Variants in PAPPA2 observed in about 807,000 individuals in gnomAD.
The protein encoded by PAPPA2 is pappalysin 2.
PAPPA2 carries 86 observed loss-of-function variants against 176.4 expected under a neutral mutation model. That is an observed-to-expected ratio of 0.49 (90% CI 0.41 to 0.58). The LOEUF (loss-of-function observed/expected upper bound fraction) is 0.58. Ranked by LOEUF, PAPPA2 falls within the 20% of genes least tolerant of loss-of-function variation. PAPPA2 has a pLI of 0.00. For missense variants in PAPPA2, 2,073 were observed against 2,256.9 expected (o/e 0.92, Z 1.65); for synonymous variants, 809 against 852.2 (o/e 0.95, Z 0.88).
intron 1 of PAPPA2, among the ~76,000 whole-genome samples, chr1:176,499,196 G>A (rs1310602292): frequency 1.3e-5 from 2 of 152,054 alleles, no homozygotes; most frequent in Admixed American, 6.5e-5. Context: ...AATTAGTTCA[G>A]GAACATGTAT....
chr1:176,787,171 ATTTAT>A (rs1398750720), intron 17 of PAPPA2, among the ~76,000 whole-genome samples: 1 of 152,202 alleles, frequency 6.6e-6, no homozygotes, highest in Non-Finnish European at 1.5e-5. Flanking sequence ...CAAAAATGGC[ATTTAT>A]TTTAATAGCT....
chr1:176,657,990 A>G (rs1013667140), intron 3 of PAPPA2, among the ~76,000 whole-genome samples: 5 of 152,012 alleles, frequency 3.3e-5, no homozygotes, highest in African/African-American at 1.2e-4. Flanking sequence ...CTATTGAATA[A>G]GCACTTGATA....
chr1:176,793,530 A>G (rs1282081199), intron 19 of PAPPA2, 30 bp from the exon 20 acceptor site: 2 of 1,546,888 alleles, frequency 1.3e-6, no homozygotes, highest in South Asian at 2.3e-5. Context: ...GGGAAGTTCA[A>G]GTCTCTGCTG....
At chr1:176,528,491 T>A (rs1649614509) in intron 1 of PAPPA2, among the ~76,000 whole-genome samples, 2 of 152,212 alleles carry the variant, frequency 1.3e-5, no homozygotes, top group South Asian at 4.1e-4. Flanking sequence ...GAACTACCAT[T>A]TGAATACAGG....
At chr1:176,653,704 C>G in intron 3 of PAPPA2, among the ~76,000 whole-genome samples, 1 of 151,634 alleles carries the variant, frequency 6.6e-6, no homozygotes, top group East Asian at 1.9e-4. Flanking sequence ...GGTTTATGCC[C>G]AATACCTTTT....
At position 176,516,598 on chromosome 1, in the gene PAPPA2, G is replaced by T. The variant is rs114846322; in HGVS notation, c.-916-38809G>T. Among the ~76,000 whole-genome samples, 3 of 152,094 alleles carry T rather than the reference G, an allele frequency of 2.0e-5. No homozygotes were observed. The South Asian group carries it at 6.2e-4, about 31-fold the overall frequency. ...CCCTTATAAAAGAGCTTGAGGGAAC[G>T]AATTCTGTTCTTCCATCCCTTCTGC... On this transcript the variant is annotated intron_variant, in intron 1 of 22. Coordinates refer to ENST00000367662, the MANE Select transcript of PAPPA2 (RefSeq NM_020318.3).
At chr1:176,559,198 G>A (rs1214344620) in intron 2 of PAPPA2, among the ~76,000 whole-genome samples, 1 of 152,150 alleles carries the variant, frequency 6.6e-6, no homozygotes, top group African/African-American at 2.4e-5. Flanking sequence ...CCGTAAGCAT[G>A]TAAAATTGGG....
chr1:176,492,421 C>T (rs1008505140), intron 1 of PAPPA2, among the ~76,000 whole-genome samples: 4 of 152,132 alleles, frequency 2.6e-5, no homozygotes, highest in Admixed American at 1.3e-4. Flanking sequence ...AAATAATTTG[C>T]CTCAAGTCAT....
intron 17 of PAPPA2, among the ~76,000 whole-genome samples, chr1:176,778,753 C>G (rs1048423569): frequency 7.9e-5 from 12 of 152,158 alleles, no homozygotes; most frequent in African/African-American, 2.9e-4. Flanking sequence ...TCTATGTACA[C>G]TCATGTATCT....
rs546487641 is a variant in PAPPA2 at position 176,834,183 on chromosome 1, G to A, written c.5203-5990G>A. 8.5e-5 allele frequency among the ~76,000 whole-genome samples: 13 copies of A among 152,316 alleles called. 1 individual carries two copies. Among genetic ancestry groups the A allele is most frequent in the Middle Eastern group, 6.8e-3 (2 of 294 alleles). On this transcript the variant is annotated intron_variant, in intron 21 of 22. Transcript: ENST00000367662. ...CCCAAGCCTTTGAAAATACATTCCA[G>A]AGGTTAAGCTCTATAATAAATATGT...
chr1:176,777,426 C>G (rs1664510118), intron 17 of PAPPA2, among the ~76,000 whole-genome samples: 1 of 151,976 alleles, frequency 6.6e-6, no homozygotes. Flanking sequence ...TCTAGTTCTC[C>G]CTTGAAGACA....
At chr1:176,571,299 C>T (rs1160918266) in intron 2 of PAPPA2, among the ~76,000 whole-genome samples, 1 of 152,210 alleles carries the variant, frequency 6.6e-6, no homozygotes, top group Non-Finnish European at 1.5e-5. Flanking sequence ...TTCTTTCCCT[C>T]ACTGTATTAG....
At chr1:176,815,034 G>T (rs1222220884) in intron 21 of PAPPA2, among the ~76,000 whole-genome samples, 2 of 152,090 alleles carry the variant, frequency 1.3e-5, no homozygotes, top group Non-Finnish European at 2.9e-5. Flanking sequence ...TACATCTGTT[G>T]AGATAATCAT....
intron 12 of PAPPA2, among the ~76,000 whole-genome samples, chr1:176,738,298 T>C (rs1662512763): frequency 6.6e-6 from 1 of 152,110 alleles, no homozygotes; most frequent in Non-Finnish European, 1.5e-5. Flanking sequence ...AGAGTGTGAC[T>C]GGTCTTTCCC....
In PAPPA2 at chr1:176,701,077, CAT is replaced by C. The variant is rs71299411; in HGVS notation, c.3236+1489_3236+1490del. Among the ~76,000 whole-genome samples the C allele has an allele frequency of 5.2e-3, 780 of 150,404 alleles. 12 individuals are homozygous for C. Among genetic ancestry groups the C allele is most frequent in the African/African-American group, 0.017 (706 of 40,698 alleles). ...ACACACACACACACACACACACACACATGTTTAAGGCCAATAATATCTCATTT... is the reference window on the plus strand; with the variant it reads ...ACACACACACACACACACACACACACGTTTAAGGCCAATAATATCTCATTT... On this transcript the variant is annotated intron_variant, in intron 8 of 22. Coordinates refer to ENST00000367662, the MANE Select transcript of PAPPA2 (RefSeq NM_020318.3).
intron 3 of PAPPA2, among the ~76,000 whole-genome samples, chr1:176,630,865 C>A (rs868143349): frequency 3.3e-5 from 5 of 152,048 alleles, no homozygotes; most frequent in African/African-American, 9.7e-5. Flanking sequence ...ATTTGAATTG[C>A]CCAGGAGTAA....
At chr1:176,516,308 C>T (rs1287354043) in intron 1 of PAPPA2, among the ~76,000 whole-genome samples, 1 of 148,534 alleles carries the variant, frequency 6.7e-6, no homozygotes, top group Non-Finnish European at 1.5e-5. Context: ...CCTTCATATA[C>T]CTGAAGAAAG....
chr1:176,819,064 A>T (rs1024873653), intron 21 of PAPPA2, among the ~76,000 whole-genome samples: 6 of 152,202 alleles, frequency 3.9e-5, no homozygotes, highest in Admixed American at 2.0e-4. Flanking sequence ...ATTCACTGTT[A>T]TATCTCAAGT....
intron 21 of PAPPA2, among the ~76,000 whole-genome samples, chr1:176,832,380 A>G (rs975588807): frequency 2.0e-5 from 3 of 152,046 alleles, no homozygotes; most frequent in South Asian, 4.1e-4. Context: ...TTTTTTTGAG[A>G]CAGAGTCTCA....
Sources: gnomAD v4.1 joint callset for allele counts (sites outside exome capture counted in the v4.1 genomes callset) on GRCh38, gnomAD v4.1.1 for gene constraint, MANE v1.5 for transcripts, NCBI Gene and HGNC (gene_info 2026-07-23, HGNC 2026-07-21) for gene names.